The following MAP3K7 variants were observed in gnomAD, a reference collection of about 807,000 sequenced individuals.
MAP3K7 encodes the protein mitogen-activated protein kinase kinase kinase 7.
A neutral mutation model predicts 84.8 loss-of-function variants in MAP3K7; 21 were observed. The ratio of observed to expected loss-of-function variants is 0.25; its 90% CI spans 0.18 to 0.36. The LOEUF is 0.36. MAP3K7 is among the 10% of genes least tolerant of loss of function. MAP3K7 has a pLI of 1.00. For missense variants in MAP3K7, 503 were observed against 747.7 expected (o/e 0.67, Z 3.82); for synonymous variants, 241 against 247.7 (o/e 0.97, Z 0.25).
chr6:90,544,706 A>T (rs1297077960), intron 11 of MAP3K7, 74 bp from the exon 12 acceptor site: 4 of 1,186,100 alleles, frequency 3.4e-6, no homozygotes, highest in Non-Finnish European at 3.8e-6. Flanking sequence ...TAACTACAAA[A>T]ATAGACTCAT....
chr6:90,539,439 C>G (rs1775785870), intron 12 of MAP3K7, among the ~76,000 whole-genome samples: 1 of 151,952 alleles, frequency 6.6e-6, no homozygotes, highest in East Asian at 1.9e-4. Flanking sequence ...TATAGCACCC[C>G]TTAGCCCTAG....
intron 1 of MAP3K7, among the ~76,000 whole-genome samples, chr6:90,575,986 G>A (rs1429615348): frequency 6.6e-6 from 1 of 151,936 alleles, no homozygotes; most frequent in African/African-American, 2.4e-5. Flanking sequence ...AAAGAAAATC[G>A]ATATACAAAC....
At chr6:90,565,164 C>G (rs915068707) in intron 3 of MAP3K7, among the ~76,000 whole-genome samples, 1 of 151,966 alleles carries the variant, frequency 6.6e-6, no homozygotes, top group African/African-American at 2.4e-5. Context: ...GAAGCAAGAG[C>G]AAACACATTC....
chr6:90,569,434 A>G (rs1424291585), intron 2 of MAP3K7, among the ~76,000 whole-genome samples: 1 of 152,092 alleles, frequency 6.6e-6, no homozygotes, highest in Non-Finnish European at 1.5e-5. Flanking sequence ...GAGGTCAATG[A>G]GGGGTTTGGC....
intron 6 of MAP3K7, among the ~76,000 whole-genome samples, chr6:90,555,380 C>T (rs1255749088): frequency 2.0e-5 from 3 of 151,982 alleles, no homozygotes; most frequent in South Asian, 2.1e-4. Context: ...CTCAGCCTCC[C>T]GAGTAGCTGG....
At chr6:90,542,274 T>C in intron 12 of MAP3K7, 1 of 984,378 alleles carries the variant, frequency 1.0e-6, no homozygotes, top group Non-Finnish European at 1.2e-6. Flanking sequence ...ATGATTGGCT[T>C]TTATGTCCAC....
chr6:90,549,575 T>A (rs904272683), intron 9 of MAP3K7, among the ~76,000 whole-genome samples: 2 of 151,736 alleles, frequency 1.3e-5, no homozygotes, highest in Non-Finnish European at 2.9e-5. Flanking sequence ...TGGAATTAAG[T>A]GGAGGGAGAA....
At chr6:90,583,597 T>C (rs1267241941) in intron 1 of MAP3K7, among the ~76,000 whole-genome samples, 1 of 152,184 alleles carries the variant, frequency 6.6e-6, no homozygotes, top group African/African-American at 2.4e-5. Flanking sequence ...CTGGAAAACA[T>C]GAATGTGTTT....
chr6:90,556,797 AAAT>A (rs1582210026), intron 5 of MAP3K7, among the ~76,000 whole-genome samples, 173 bp from the exon 6 acceptor site: 1 of 152,200 alleles, frequency 6.6e-6, no homozygotes, highest in African/African-American at 2.4e-5. Context: ...TAGTTCAGAG[AAAT>A]AATAAGCAAA....
intron 13 of MAP3K7, among the ~76,000 whole-genome samples, chr6:90,533,940 T>C (rs559884746): frequency 1.3e-5 from 2 of 152,312 alleles, no homozygotes; most frequent in Admixed American, 6.5e-5. Flanking sequence ...GAAAAAACCA[T>C]GTTTGAAAGT....
chr6:90,518,977 G>A (rs1775060885), intron 15 of MAP3K7, among the ~76,000 whole-genome samples: 1 of 151,814 alleles, frequency 6.6e-6, no homozygotes, highest in African/African-American at 2.4e-5. Context: ...TTGTTTTAAT[G>A]CACTAAAATT....
intron 7 of MAP3K7, among the ~76,000 whole-genome samples, chr6:90,552,538 A>G (rs1776213928): frequency 6.6e-6 from 1 of 152,202 alleles, no homozygotes; most frequent in Non-Finnish European, 1.5e-5. Flanking sequence ...TGATAAATCT[A>G]TGAATGACCT....
intron 4 of MAP3K7, 58 bp from the exon 5 acceptor site, chr6:90,560,272 T>A (rs998375972): frequency 1.3e-6 from 2 of 1,576,558 alleles, no homozygotes; most frequent in Admixed American, 1.7e-5. Context: ...AAAGACACAA[T>A]GTGAATGCAA....
chr6:90,516,085 AT>A lies in MAP3K7; in HGVS notation c.*415del, dbSNP rs1325985452. The A allele has an allele frequency of 1.1e-5, 2 of 177,008 alleles. No individual in the cohort carries two copies. Among genetic ancestry groups the A allele is most frequent in the African/African-American group, 4.8e-5 (2 of 41,646 alleles). The allele number at this position is 177,008 out of a possible 1,614,324, so 11.0% of individuals were successfully genotyped here. On this transcript the variant is annotated 3_prime_UTR_variant, in exon 17 of 17. Transcript: ENST00000369329. ...TATACCATCTTTTGGGAAAAAAATT[AT>A]TAATATTTTGAGATGAGATACAAGA...
intron 14 of MAP3K7, among the ~76,000 whole-genome samples, chr6:90,523,044 A>G (rs1775201806): frequency 6.6e-6 from 1 of 152,220 alleles, no homozygotes; most frequent in East Asian, 1.9e-4. Flanking sequence ...CTGTTTGCCC[A>G]TAATGAAACG....
chr6:90,533,373 G>T (rs143604676), intron 13 of MAP3K7, among the ~76,000 whole-genome samples: 4 of 152,100 alleles, frequency 2.6e-5, no homozygotes, highest in African/African-American at 9.7e-5. Flanking sequence ...GCTTACCATG[G>T]GGCAGCATGG....
rs1306525346 is a variant in MAP3K7 at position 90,516,498 on chromosome 6, G to C, written c.*3C>G. The C allele has an allele frequency of 3.7e-6, 6 of 1,608,422 alleles. No homozygotes were observed. The highest frequency in any genetic ancestry group is 5.1e-6 in the Non-Finnish European group (6 of 1,178,060). On this transcript the variant is annotated 3_prime_UTR_variant, in exon 17 of 17. Coordinates refer to ENST00000369329, the MANE Select transcript of MAP3K7 (RefSeq NM_145331.3). ...TATTTCAAAATGTAACGGTCCCAGA[G>C]AATCATGAAGTGCCTTGTCGTTTCT...
chr6:90,528,979 C>A (rs896970266), intron 13 of MAP3K7, among the ~76,000 whole-genome samples: 13 of 152,196 alleles, frequency 8.5e-5, no homozygotes, highest in Non-Finnish European at 1.0e-4. Flanking sequence ...TCCTTCCCCA[C>A]CCTGTAAGGC....
chr6:90,555,737 G>C (rs895364205), intron 6 of MAP3K7, among the ~76,000 whole-genome samples: 7 of 152,142 alleles, frequency 4.6e-5, no homozygotes, highest in African/African-American at 1.7e-4. Flanking sequence ...TACAGGGGTA[G>C]GTTCCTGTGT....
Sources: gnomAD v4.1 joint callset for allele counts (sites outside exome capture counted in the v4.1 genomes callset) on GRCh38, gnomAD v4.1.1 for gene constraint, MANE v1.5 for transcripts, NCBI Gene and HGNC (gene_info 2026-07-23, HGNC 2026-07-21) for gene names.